The following POMGNT1 variants were observed in gnomAD, a reference collection of about 807,000 sequenced individuals.
The protein encoded by POMGNT1 is protein O-linked-mannose beta-1,2-N-acetylglucosaminyltransferase 1.
Under a neutral mutation model 95.6 loss-of-function variants are expected in POMGNT1, and 67 were observed. The ratio of observed to expected loss-of-function variants is 0.70; its 90% CI spans 0.58 to 0.86. The LOEUF is 0.86. Ranked by LOEUF, POMGNT1 falls within the 40% of genes least tolerant of loss-of-function variation. The pLI, the probability that POMGNT1 is intolerant of heterozygous loss-of-function variation, is 0.00. For synonymous variants in POMGNT1, 298 were observed against 317.9 expected (o/e 0.94, Z 0.66); for missense variants, 719 against 855.2 (o/e 0.84, Z 1.99).
intron 1 of POMGNT1, among the ~76,000 whole-genome samples, chr1:46,210,162 G>T (rs1658848970): frequency 6.6e-6 from 1 of 152,058 alleles, no homozygotes; most frequent in Admixed American, 6.6e-5. Context: ...ATAGTCATTT[G>T]TTCAATTGAA....
intron 1 of POMGNT1, among the ~76,000 whole-genome samples, chr1:46,212,309 C>A (rs900446826): frequency 6.8e-6 from 1 of 147,136 alleles, no homozygotes; most frequent in African/African-American, 2.5e-5. Context: ...GAGACGGAGT[C>A]TTGCTATGTC....
chr1:46,192,160 G>A lies in POMGNT1; in HGVS notation c.1477C>T (p.Pro493Ser). The part of the protein sequence containing the change: ...EQRRGRECII[P>S]DVSRSYHFGI... ...AAGTGGTAGGATCGGGAAACGTCAGGGATGATGCACTCTCGGCCCCGGCGT... is the reference window on the plus strand; with the variant it reads ...AAGTGGTAGGATCGGGAAACGTCAGAGATGATGCACTCTCGGCCCCGGCGT... Residue 493 changes from proline to serine, a missense_variant, in exon 17 of 22, where the codon CCT becomes TCT. Pro to Ser is a moderately conservative substitution (Grantham distance 74). Around this residue, in one of 5 missense-constraint regions of POMGNT1, gnomAD observed 118 missense variants for 153.6 expected, o/e 0.77. Transcript: ENST00000371984. 6.2e-7 allele frequency: 1 copy of A among 1,614,140 alleles called. No individual in the cohort carries two copies. Among genetic ancestry groups the A allele is most frequent in the Non-Finnish European group, 8.5e-7 (1 of 1,180,004 alleles).
Position 46,197,778 on chromosome 1 carries a change from G to A in POMGNT1, c.44C>T (p.Ala15Val). The change falls in exon 2 of 22, where the codon GCT (alanine) becomes GTT (valine). Residue 15 changes from alanine (A) to valine (V), a missense_variant. By Grantham distance (64) the Ala-to-Val change is moderately conservative (BLOSUM62 0). Around this residue, in one of 5 missense-constraint regions of POMGNT1, gnomAD observed 466 missense variants for 517.4 expected, o/e 0.90. Transcript: ENST00000371984. ...KPSPLIKPFG[A>V]RKKRSWYLTW... is the part of the protein sequence containing the mutation. ...AAGGTACCAGCTCCGCTTCTTCCGA[G>A]CCCCAAAGGGCTTGATGAGGGGGCT... The A allele has an allele frequency of 1.2e-6, 2 of 1,614,148 alleles. No individual in the cohort carries two copies. The highest frequency in any genetic ancestry group is 1.7e-6 in the Non-Finnish European group (2 of 1,180,006).
rs762531635 is a variant in POMGNT1 at position 46,193,544 on chromosome 1, A to AC, written c.1026+19dup. 4 of 1,613,682 alleles carry AC rather than the reference A, an allele frequency of 2.5e-6. No individual in the cohort carries two copies. Among genetic ancestry groups the AC allele is most frequent in the African/African-American group, 1.3e-5 (1 of 74,800 alleles). ...CTCCATGTTGTACTCCACCCGAGGCACCCCCCAAGTCCTGCTCACCTCATA... is the reference window on the plus strand; with the variant it reads ...CTCCATGTTGTACTCCACCCGAGGCACCCCCCCAAGTCCTGCTCACCTCATA... On this transcript the variant is annotated intron_variant, in intron 11 of 21. Transcript: ENST00000371984.
At chr1:46,213,396 C>T (rs1269678416) in intron 1 of POMGNT1, among the ~76,000 whole-genome samples, 1 of 113,094 alleles carries the variant, frequency 8.8e-6, no homozygotes, top group South Asian at 2.8e-4. Context: ...CTAGTTTGTG[C>T]ATTTACCCTG....
chr1:46,193,946 A>G (rs781227541), intron 9 of POMGNT1, 21 bp from the exon 10 acceptor site: 2 of 1,613,608 alleles, frequency 1.2e-6, no homozygotes, highest in African/African-American at 2.7e-5. Flanking sequence ...AATAGCGTTT[A>G]GCTCTTGCCT....
chr1:46,199,189 G>A (rs549647993), upstream of POMGNT1, among the ~76,000 whole-genome samples: 7 of 152,178 alleles, frequency 4.6e-5, no homozygotes, highest in Non-Finnish European at 8.8e-5. Flanking sequence ...TGATCCGCCC[G>A]CCTTGGCCTC....
chr1:46,195,839 G>A lies in POMGNT1; in HGVS notation c.506C>T (p.Pro169Leu), dbSNP rs1271259700. Residue 169 changes from proline to leucine, a missense_variant, in exon 6 of 22, where the codon CCC becomes CTC. Coordinates refer to ENST00000371984, the MANE Select transcript of POMGNT1 (RefSeq NM_017739.4). Reference sequence around the variant, plus strand: ...GACAGTGCAGATGAGCACTCGGCCGGGCGCTACCATGTTGAGGAATAGCAC... The same window carrying A: ...GACAGTGCAGATGAGCACTCGGCCGAGCGCTACCATGTTGAGGAATAGCAC... ...AMVLFLNMVA[P>L]GRVLICTVKD... 6.2e-7 allele frequency: 1 copy of A among 1,606,184 alleles called. No individual in the cohort carries two copies. The highest frequency in any genetic ancestry group is 1.3e-5 in the African/African-American group (1 of 74,950).
At position 46,196,297 on chromosome 1, in the gene POMGNT1, A is replaced by C. The variant is rs909848313; in HGVS notation, c.355-220T>G. 6.6e-6 allele frequency among the ~76,000 whole-genome samples: 1 copy of C among 152,130 alleles called. No homozygotes were observed. The highest frequency in any genetic ancestry group is 2.4e-5 in the African/African-American group (1 of 41,434). On this transcript the variant is annotated intron_variant, in intron 4 of 21. Coordinates refer to ENST00000371984, the MANE Select transcript of POMGNT1 (RefSeq NM_017739.4). This position sits in a 1 kb window ranked among gnomAD's most constrained non-coding sequence, Gnocchi z 4.4. ...ACGTCTTTCTACAACCCTCCCCTCCATGACTTTCATGGCTCTTAGAGCCTC... is the reference window on the plus strand; with the variant it reads ...ACGTCTTTCTACAACCCTCCCCTCCCTGACTTTCATGGCTCTTAGAGCCTC...
intron 1 of POMGNT1, among the ~76,000 whole-genome samples, chr1:46,208,396 T>C (rs970937821): frequency 3.3e-5 from 5 of 152,156 alleles, no homozygotes; most frequent in African/African-American, 1.2e-4. Flanking sequence ...TCATCGAACA[T>C]AGTGCCACAC....
intron 14 of POMGNT1, 66 bp downstream of exon 14, chr1:46,192,834 G>C: frequency 6.2e-7 from 1 of 1,608,228 alleles, no homozygotes; most frequent in Admixed American, 1.7e-5. Context: ...AGCTCTCTAG[G>C]ACACCTCACT....
chr1:46,204,988 TG>T (rs1658665793), intron 1 of POMGNT1, among the ~76,000 whole-genome samples: 2 of 152,168 alleles, frequency 1.3e-5, no homozygotes, highest in African/African-American at 4.8e-5. Flanking sequence ...GTGGGCATGG[TG>T]GCTCACGCCT....
upstream of POMGNT1, among the ~76,000 whole-genome samples, chr1:46,199,205 G>A (rs1658461265): frequency 6.6e-6 from 1 of 152,226 alleles, no homozygotes; most frequent in Admixed American, 6.5e-5. Flanking sequence ...GCCTCCCAAA[G>A]TGCTGGGATT....
At chr1:46,202,909 G>GGGGGGA (rs1553164815), upstream of POMGNT1, among the ~76,000 whole-genome samples, 1 of 105,158 alleles carries the variant, frequency 9.5e-6, no homozygotes, top group Non-Finnish European at 2.0e-5. Flanking sequence ...TAGCCCCTGG[G>GGGGGGA]GGGGGGGGGT....
At chr1:46,189,822 G>A in intron 20 of POMGNT1, 32 bp downstream of exon 20, 2 of 1,612,994 alleles carry the variant, frequency 1.2e-6, no homozygotes, top group South Asian at 1.1e-5. Context: ...GAGGGGGAGG[G>A]GTTCTCCAGG....
Position 46,190,715 on chromosome 1 carries a change from C to G in POMGNT1, c.1604+5G>C. On this transcript the variant is annotated splice_donor_5th_base_variant and intron_variant, in intron 18 of 21. Coordinates refer to ENST00000371984, the MANE Select transcript of POMGNT1 (RefSeq NM_017739.4). ...TCCACCCCTTGCCCTGCTGCCAGCC[C>G]CAACCTGTCCACATTCCTGAGCTGG... 6.2e-7 allele frequency: 1 copy of G among 1,612,458 alleles called. No individual in the cohort carries two copies. The highest frequency in any genetic ancestry group is 8.5e-7 in the Non-Finnish European group (1 of 1,179,048).
rs1257224073 is a variant in POMGNT1, at chr1:46,192,513, C to A, written c.1284+5G>T. Reference sequence around the variant, plus strand: ...GCCTGCTAAACCCTGGTCATTCCAGCCTACCTGGTCATTCCAGGCAGAGAT... The same window carrying A: ...GCCTGCTAAACCCTGGTCATTCCAGACTACCTGGTCATTCCAGGCAGAGAT... On this transcript the variant is annotated splice_donor_5th_base_variant and intron_variant, in intron 15 of 21. Transcript: ENST00000371984. 9 of 1,614,170 alleles carry A rather than the reference C, an allele frequency of 5.6e-6. No homozygotes were observed. In the South Asian group the frequency reaches 7.7e-5, roughly 14 times the overall value.
At chr1:46,210,529 G>A (rs1243320938) in intron 1 of POMGNT1, among the ~76,000 whole-genome samples, 1 of 152,132 alleles carries the variant, frequency 6.6e-6, no homozygotes, top group African/African-American at 2.4e-5. Context: ...CTGACCTTCT[G>A]ACCAACCAGC....
chr1:46,203,091 C>T (rs1658598062), upstream of POMGNT1, among the ~76,000 whole-genome samples: 1 of 152,142 alleles, frequency 6.6e-6, no homozygotes, highest in African/African-American at 2.4e-5. Context: ...AGACTTCATT[C>T]TGCAAACATG....
Sources: gnomAD v4.1 joint callset for allele counts (sites outside exome capture counted in the v4.1 genomes callset) on GRCh38, gnomAD v4.1.1 for gene constraint, gnomAD v4.1.1 regional missense constraint, Gnocchi (gnomAD v3.1) non-coding constraint, MANE v1.5 for transcripts, NCBI Gene and HGNC (gene_info 2026-07-23, HGNC 2026-07-21) for gene names.